DNAJC6: variants seen among roughly 807,000 people sequenced by gnomAD.
DNAJC6 encodes the protein auxilin.
A neutral mutation model predicts 110.0 loss-of-function variants in DNAJC6; 34 were observed. The observed-to-expected ratio is 0.31, with a 90% CI of 0.24 to 0.41. DNAJC6 has a LOEUF of 0.41. DNAJC6 is among the 10% of genes least tolerant of loss of function. The pLI is 1.00. For synonymous variants in DNAJC6, 406 were observed against 437.2 expected (o/e 0.93, Z 0.89); for missense variants, 1,031 against 1,207.8 (o/e 0.85, Z 2.17).
At chr1:65,360,304 A>G (rs552910588) in intron 1 of DNAJC6, among the ~76,000 whole-genome samples, 1 of 152,206 alleles carries the variant, frequency 6.6e-6, no homozygotes, top group Non-Finnish European at 1.5e-5. Context: ...AAGGTTACAG[A>G]TGGACTCTGG....
At chr1:65,382,896 A>G (rs1461937544) in intron 5 of DNAJC6, among the ~76,000 whole-genome samples, 1 of 152,232 alleles carries the variant, frequency 6.6e-6, no homozygotes, top group Non-Finnish European at 1.5e-5. Context: ...TGGAAAATCA[A>G]GTGAGGAAGA....
upstream of DNAJC6, among the ~76,000 whole-genome samples, chr1:65,307,280 C>T (rs1332233241): frequency 4.0e-5 from 6 of 151,720 alleles, no homozygotes; most frequent in Non-Finnish European, 8.8e-5. Flanking sequence ...CTTATATCTT[C>T]AATTTTATAG....
chr1:65,327,109 G>A (rs1034103077), intron 1 of DNAJC6, among the ~76,000 whole-genome samples: 2 of 152,158 alleles, frequency 1.3e-5, no homozygotes, highest in African/African-American at 4.8e-5. Flanking sequence ...CTTGAATGGG[G>A]ACATTAGTGC....
chr1:65,392,060 A>T (rs1469405128), intron 11 of DNAJC6, among the ~76,000 whole-genome samples: 1 of 152,050 alleles, frequency 6.6e-6, no homozygotes, highest in African/African-American at 2.4e-5. Flanking sequence ...ACAGGTGTGA[A>T]CCACCACGCC....
At chr1:65,303,072 T>G (rs1315975801) in intron 1 of DNAJC6, among the ~76,000 whole-genome samples, 1 of 152,200 alleles carries the variant, frequency 6.6e-6, no homozygotes, top group African/African-American at 2.4e-5. Context: ...AAGTCAAGGA[T>G]AAGTTAAATG....
chr1:65,385,985 C>A, intron 7 of DNAJC6, 79 bp downstream of exon 7: 1 of 1,340,468 alleles, frequency 7.5e-7, no homozygotes, highest in Admixed American at 2.1e-5. Flanking sequence ...GAATCATATT[C>A]TTCCTGCAAG....
chr1:65,300,913 C>T (rs575523257), intron 1 of DNAJC6, among the ~76,000 whole-genome samples: 1 of 152,112 alleles, frequency 6.6e-6, no homozygotes, highest in South Asian at 2.1e-4. Flanking sequence ...GGCCCAGCAC[C>T]CTGTTAGGTA....
Position 65,317,571 on chromosome 1 carries a change from A to G in DNAJC6, c.193+7633A>G, listed in dbSNP as rs775530475. Among the ~76,000 whole-genome samples the G allele has an allele frequency of 6.2e-4, 94 of 152,226 alleles. 2 individuals carry two copies. The highest frequency in any genetic ancestry group is 9.2e-4 in the Admixed American group (14 of 15,286). ...GTGTAGTATTAACAGCGCAAATGTC[A>G]CCACCAAGGAAGCAACCAGATGAGC... is the stretch of plus-strand genomic sequence containing the variant. On this transcript the variant is annotated intron_variant, in intron 1 of 18. Transcript: ENST00000371069.
rs774511695 is a variant in DNAJC6, at chr1:65,388,348, C to G, written c.1126C>G (p.Gln376Glu). 2 of 1,613,978 alleles carry G rather than the reference C, an allele frequency of 1.2e-6. No homozygotes were observed. Among genetic ancestry groups the G allele is most frequent in the South Asian group, 2.2e-5 (2 of 91,082 alleles). The stretch of plus-strand genomic sequence containing the variant: ...CATGTATTTTTAGGTGACCAACACA[C>G]AGATATTCCAGCTTCAGTTTCACAC... ...SRLQAKVTNT[Q>E]IFQLQFHTGF... Residue 376 changes from glutamine to glutamate, a missense_variant, in exon 9 of 19, where the codon CAG (glutamine) becomes GAG (glutamate). Transcript: ENST00000371069.
chr1:65,383,033 A>G (rs1645838445), intron 5 of DNAJC6, among the ~76,000 whole-genome samples: 1 of 152,182 alleles, frequency 6.6e-6, no homozygotes, highest in Non-Finnish European at 1.5e-5. Context: ...TCACAAAAGG[A>G]TGAGGGTCAT....
chr1:65,316,975 T>A (rs4916041), intron 1 of DNAJC6, among the ~76,000 whole-genome samples: 68,322 of 151,892 alleles, frequency 0.45, 16,299 homozygotes, highest in Non-Finnish European at 0.56. Context: ...ACAATTTTTT[T>A]AATGAACTGA....
In DNAJC6 at chr1:65,392,640, G is replaced by A; in HGVS notation, c.1678G>A (p.Glu560Lys). 1 of 1,613,662 alleles carries A rather than the reference G, an allele frequency of 6.2e-7. No individual in the cohort carries two copies. ...PPEDVDLLGL[E>K]GSAMSNSFSP... is the part of the protein sequence containing the mutation. Reference sequence around the variant, plus strand: ...TGAGGATGTGGACCTTTTGGGCCTGGAAGGGTCTGCAATGAGTAACAGCTT... The same window carrying A: ...TGAGGATGTGGACCTTTTGGGCCTGAAAGGGTCTGCAATGAGTAACAGCTT... Residue 560 changes from glutamate to lysine, a missense_variant, in exon 12 of 19, where the codon GAA becomes AAA. By Grantham distance (56) the Glu-to-Lys change is moderately conservative. Coordinates refer to ENST00000371069, the MANE Select transcript of DNAJC6 (RefSeq NM_001256864.2).
intron 17 of DNAJC6, among the ~76,000 whole-genome samples, chr1:65,410,801 C>T (rs968204490): frequency 6.6e-6 from 1 of 152,220 alleles, no homozygotes; most frequent in East Asian, 1.9e-4. Context: ...TTTCCTCAAA[C>T]AGCTCTGCCT....
chr1:65,356,547 G>A (rs185802245), intron 1 of DNAJC6, among the ~76,000 whole-genome samples: 117 of 150,934 alleles, frequency 7.8e-4, no homozygotes, highest in Non-Finnish European at 1.4e-3. Context: ...CTAGATAACA[G>A]AATGATACTC....
At chr1:65,285,710 T>C (rs1324729792) in intron 1 of DNAJC6, among the ~76,000 whole-genome samples, 1 of 152,188 alleles carries the variant, frequency 6.6e-6, no homozygotes, top group African/African-American at 2.4e-5. Flanking sequence ...TCTCATTCCG[T>C]CACCCAGGCT....
chr1:65,301,279 C>G (rs1644975892), intron 1 of DNAJC6, among the ~76,000 whole-genome samples: 1 of 152,108 alleles, frequency 6.6e-6, no homozygotes, highest in Non-Finnish European at 1.5e-5. Flanking sequence ...TTTCTCACAA[C>G]AAAAATCAAC....
chr1:65,329,736 A>G (rs894244046), intron 1 of DNAJC6, among the ~76,000 whole-genome samples: 4 of 152,184 alleles, frequency 2.6e-5, no homozygotes, highest in African/African-American at 9.7e-5. Flanking sequence ...TCCAAGACTT[A>G]GAACATCCTC....
intron 1 of DNAJC6, among the ~76,000 whole-genome samples, chr1:65,318,726 G>A (rs1389991749): frequency 2.0e-5 from 3 of 152,166 alleles, no homozygotes; most frequent in African/African-American, 7.2e-5. Flanking sequence ...GGGGGAAGGA[G>A]AGCATCAGGA....
intron 1 of DNAJC6, among the ~76,000 whole-genome samples, chr1:65,357,703 G>T (rs1645556746): frequency 6.6e-6 from 1 of 152,184 alleles, no homozygotes. Flanking sequence ...ACAGGCTCTT[G>T]GAGGGCTGTT....
Sources: gnomAD v4.1 joint callset for allele counts (sites outside exome capture counted in the v4.1 genomes callset) on GRCh38, gnomAD v4.1.1 for gene constraint, MANE v1.5 for transcripts, NCBI Gene and HGNC (gene_info 2026-07-23, HGNC 2026-07-21) for gene names.